Variants in ST6GALNAC3 observed in about 807,000 individuals in gnomAD.
ST6GALNAC3 encodes the protein alpha-N-acetylgalactosaminide alpha-2,6-sialyltransferase 3.
Under a neutral mutation model 32.7 loss-of-function variants are expected in ST6GALNAC3, and 25 were observed. That is an observed-to-expected ratio of 0.76 (90% CI 0.56 to 1.07). ST6GALNAC3 has a LOEUF of 1.07. Ranked by LOEUF, ST6GALNAC3 falls within the 50% of genes least tolerant of loss-of-function variation. The pLI is 0.00. For synonymous variants in ST6GALNAC3, 129 were observed against 133.1 expected (o/e 0.97, Z 0.21); for missense variants, 355 against 382.4 (o/e 0.93, Z 0.60).
intron 1 of ST6GALNAC3, among the ~76,000 whole-genome samples, chr1:76,223,591 T>C (rs1344732896): frequency 2.0e-5 from 3 of 152,172 alleles, no homozygotes. Context: ...AATGTGCTTT[T>C]AGAAGTATCC....
At chr1:76,235,748 A>G (rs1289470517) in intron 1 of ST6GALNAC3, among the ~76,000 whole-genome samples, 3 of 144,732 alleles carry the variant, frequency 2.1e-5, no homozygotes, top group Non-Finnish European at 4.5e-5. Flanking sequence ...CTGTGTCACA[A>G]TTCTACAGAC....
intron 3 of ST6GALNAC3, among the ~76,000 whole-genome samples, chr1:76,516,817 AT>A (rs1467043341): frequency 2.6e-5 from 4 of 151,918 alleles, no homozygotes; most frequent in African/African-American, 7.2e-5. Context: ...TTGTCTTTAT[AT>A]TTTTTTGAAA....
intron 2 of ST6GALNAC3, among the ~76,000 whole-genome samples, chr1:76,338,311 G>T (rs1314939200): frequency 6.6e-6 from 1 of 152,116 alleles, no homozygotes; most frequent in African/African-American, 2.4e-5. Context: ...ATTGTCATTT[G>T]GTTAATTATG....
intron 1 of ST6GALNAC3, among the ~76,000 whole-genome samples, chr1:76,199,287 G>T (rs1314668551): frequency 6.6e-6 from 1 of 152,186 alleles, no homozygotes; most frequent in Non-Finnish European, 1.5e-5. Flanking sequence ...TAACTTAAAA[G>T]GATTGATGCT....
intron 2 of ST6GALNAC3, among the ~76,000 whole-genome samples, chr1:76,342,185 T>A (rs1648098599): frequency 6.6e-6 from 1 of 152,210 alleles, no homozygotes; most frequent in Non-Finnish European, 1.5e-5. Context: ...TGTATGTGTC[T>A]TTATAGTAGA....
intron 1 of ST6GALNAC3, among the ~76,000 whole-genome samples, chr1:76,154,279 C>T (rs961818920): frequency 6.6e-6 from 1 of 152,134 alleles, no homozygotes; most frequent in African/African-American, 2.4e-5. Context: ...TTGCACCCTG[C>T]ATGCAGGGCC....
intron 1 of ST6GALNAC3, among the ~76,000 whole-genome samples, chr1:76,241,272 A>G (rs1256441262): frequency 6.6e-6 from 1 of 152,226 alleles, no homozygotes; most frequent in African/African-American, 2.4e-5. Context: ...AAGAAAAGGT[A>G]TCTTTGGCTC....
chr1:76,082,214 T>C (rs1646905895), intron 1 of ST6GALNAC3, among the ~76,000 whole-genome samples: 1 of 152,202 alleles, frequency 6.6e-6, no homozygotes. Context: ...TTCCTGGCTT[T>C]AGGGAACAGT....
At chr1:76,258,578 G>C (rs1658050226) in intron 1 of ST6GALNAC3, among the ~76,000 whole-genome samples, 1 of 152,154 alleles carries the variant, frequency 6.6e-6, no homozygotes, top group South Asian at 2.1e-4. Context: ...ATGCATTCTA[G>C]AATGTCAACT....
At chr1:76,332,872 C>T (rs1450381596) in intron 2 of ST6GALNAC3, among the ~76,000 whole-genome samples, 6 of 152,106 alleles carry the variant, frequency 3.9e-5, no homozygotes, top group African/African-American at 1.2e-4. Flanking sequence ...AAACTCCTTA[C>T]CTTCTAGGTC....
chr1:76,527,336 T>C lies in ST6GALNAC3; in HGVS notation c.624-100116T>C, dbSNP rs552002335. Among the ~76,000 whole-genome samples the C allele has an allele frequency of 3.3e-5, 5 of 152,084 alleles. No homozygotes were observed. In the South Asian group the frequency reaches 6.2e-4, roughly 19 times the overall value. ...TTTGCTATGAACCATTGCATCAAGGTTGAAATGCCCAAGAGGCTGACAAGC... is the reference window on the plus strand; with the variant it reads ...TTTGCTATGAACCATTGCATCAAGGCTGAAATGCCCAAGAGGCTGACAAGC... On this transcript the variant is annotated intron_variant, in intron 3 of 4. Coordinates refer to ENST00000328299, the MANE Select transcript of ST6GALNAC3 (RefSeq NM_152996.4).
intron 3 of ST6GALNAC3, among the ~76,000 whole-genome samples, chr1:76,540,293 G>C (rs1663909638): frequency 6.6e-6 from 1 of 152,060 alleles, no homozygotes; most frequent in Admixed American, 6.6e-5. Flanking sequence ...ACTCATAAGT[G>C]GGAGTTGAAC....
At chr1:76,294,317 G>C (rs144418478) in intron 1 of ST6GALNAC3, among the ~76,000 whole-genome samples, 1 of 151,708 alleles carries the variant, frequency 6.6e-6, no homozygotes, top group Non-Finnish European at 1.5e-5. Flanking sequence ...GAGTCAAAAA[G>C]CACTGGGAAA....
intron 1 of ST6GALNAC3, among the ~76,000 whole-genome samples, chr1:76,130,342 C>T (rs1214817170): frequency 6.6e-6 from 1 of 152,154 alleles, no homozygotes; most frequent in Non-Finnish European, 1.5e-5. Flanking sequence ...GAAATTCAGC[C>T]CCGTGGGCTA....
intron 1 of ST6GALNAC3, among the ~76,000 whole-genome samples, chr1:76,228,449 G>A (rs1033137500): frequency 1.3e-5 from 2 of 152,060 alleles, no homozygotes; most frequent in Non-Finnish European, 2.9e-5. Context: ...GTAACCTTGC[G>A]AAGAAAGATC....
intron 2 of ST6GALNAC3, among the ~76,000 whole-genome samples, chr1:76,406,149 G>A (rs1381228509): frequency 6.6e-6 from 1 of 152,038 alleles, no homozygotes; most frequent in Non-Finnish European, 1.5e-5. Context: ...CCATTGTCCT[G>A]GATCCTCATA....
intron 1 of ST6GALNAC3, among the ~76,000 whole-genome samples, chr1:76,122,037 C>A (rs1264636360): frequency 1.3e-5 from 2 of 152,160 alleles, no homozygotes; most frequent in Non-Finnish European, 2.9e-5. Flanking sequence ...TTCCATGTCA[C>A]CCTGCCTGAC....
intron 2 of ST6GALNAC3, among the ~76,000 whole-genome samples, chr1:76,357,616 C>A (rs867097541): frequency 1.3e-5 from 2 of 152,260 alleles, no homozygotes; most frequent in South Asian, 4.1e-4. Flanking sequence ...ATGTTAATAA[C>A]AAACTCTTTT....
At chr1:76,177,584 C>T (rs534165641) in intron 1 of ST6GALNAC3, among the ~76,000 whole-genome samples, 64 of 152,224 alleles carry the variant, frequency 4.2e-4, no homozygotes, top group South Asian at 6.2e-4. Context: ...TCTTCCCATC[C>T]GTGCCTTCCC....
Sources: allele counts gnomAD v4.1 joint callset (sites outside exome capture counted in the v4.1 genomes callset), GRCh38; gene constraint gnomAD v4.1.1; transcripts MANE v1.5; gene names NCBI Gene and HGNC (gene_info 2026-07-23, HGNC 2026-07-21).